GTF2I: variants seen among roughly 807,000 people sequenced by gnomAD.
The protein encoded by GTF2I is general transcription factor II-I.
In GTF2I, 12 loss-of-function variants were observed where a neutral mutation model predicts 67.6. That is an observed-to-expected ratio of 0.18 (90% CI 0.11 to 0.29). The LOEUF (loss-of-function observed/expected upper bound fraction) is 0.29. Among genes scored for constraint, GTF2I ranks in the 10% least tolerant of loss-of-function variants. GTF2I has a pLI of 1.00. For missense variants in GTF2I, 271 were observed against 580.1 expected, an observed-to-expected ratio of 0.47 and a Z score of 5.47; for synonymous variants, 149 against 197.0, an observed-to-expected ratio of 0.76 and a Z score of 2.04.
intron 11 of GTF2I, 60 bp from the exon 12 acceptor site, chr7:74,718,819 T>A: frequency 1.2e-6 from 1 of 826,296 alleles, no homozygotes; most frequent in Non-Finnish European, 1.9e-6. Context: ...AGTAAAATGT[T>A]GGAACATATG....
chr7:74,745,839 AC>A (rs781810221), intron 21 of GTF2I, 43 bp from the exon 22 acceptor site: 1 of 1,608,810 alleles, frequency 6.2e-7, no homozygotes, highest in African/African-American at 1.3e-5. Flanking sequence ...CTGTGAGGCC[AC>A]CACTGTGCTG....
At chr7:74,719,424 G>A (rs1201383694) in intron 12 of GTF2I, among the ~76,000 whole-genome samples, 6 of 152,132 alleles carry the variant, frequency 3.9e-5, no homozygotes, top group African/African-American at 1.4e-4. Flanking sequence ...TTTCAAAACT[G>A]TTTTGAAGCA....
intron 8 of GTF2I, among the ~76,000 whole-genome samples, chr7:74,708,943 T>C (rs1554402041): frequency 6.6e-6 from 1 of 152,206 alleles, no homozygotes; most frequent in African/African-American, 2.4e-5. Context: ...GGGGACACAG[T>C]GTTCCAGCAG....
chr7:74,717,881 A>G lies in GTF2I; in HGVS notation c.880+931A>G, dbSNP rs587594740. On this transcript the variant is annotated intron_variant, in intron 11 of 34. Transcript: ENST00000573035. Reference sequence around the variant, plus strand: ...ATACATTTCTCTCAAAAATACTGATATGCTCATTGTAAACCGTTGGTTACA... The same window carrying G: ...ATACATTTCTCTCAAAAATACTGATGTGCTCATTGTAAACCGTTGGTTACA... Among the ~76,000 whole-genome samples, 7 of 152,320 alleles carry G rather than the reference A, an allele frequency of 4.6e-5. 1 individual carries two copies. The South Asian group carries it at 1.5e-3, about 32-fold the overall frequency.
chr7:74,688,041 T>C (rs1787895205), intron 1 of GTF2I, among the ~76,000 whole-genome samples: 1 of 152,184 alleles, frequency 6.6e-6, no homozygotes, highest in Non-Finnish European at 1.5e-5. Flanking sequence ...AGTATGTCTT[T>C]ATATGGTGTA....
chr7:74,696,821 T>C (rs587659122), intron 3 of GTF2I, among the ~76,000 whole-genome samples: 34 of 152,206 alleles, frequency 2.2e-4, no homozygotes, highest in African/African-American at 8.2e-4. Flanking sequence ...CTTACTTGTT[T>C]GTGTAAAGTA....
At chr7:74,675,067 G>A (rs587739119) in intron 1 of GTF2I, among the ~76,000 whole-genome samples, 7 of 151,976 alleles carry the variant, frequency 4.6e-5, no homozygotes, top group Non-Finnish European at 7.4e-5. Context: ...TGGCCAGGCT[G>A]GTGTCGAACT....
At chr7:74,665,550 C>A (rs1218684909) in intron 1 of GTF2I, among the ~76,000 whole-genome samples, 1 of 152,046 alleles carries the variant, frequency 6.6e-6, no homozygotes, top group Non-Finnish European at 1.5e-5. Context: ...CACGCCTGGC[C>A]CCTATTTTTA....
intron 2 of GTF2I, among the ~76,000 whole-genome samples, chr7:74,690,139 C>T (rs1352897160): frequency 3.3e-5 from 5 of 151,938 alleles, no homozygotes; most frequent in African/African-American, 4.8e-5. Flanking sequence ...TGCTTGAACC[C>T]GTGAGGTGGA....
At chr7:74,672,707 G>A (rs1040099342) in intron 1 of GTF2I, among the ~76,000 whole-genome samples, 1 of 152,176 alleles carries the variant, frequency 6.6e-6, no homozygotes, top group African/African-American at 2.4e-5. Flanking sequence ...TCCAGGTCTA[G>A]TGTAGTCTCT....
chr7:74,681,384 G>C (rs955583893), intron 1 of GTF2I, among the ~76,000 whole-genome samples: 1 of 151,976 alleles, frequency 6.6e-6, no homozygotes, highest in Non-Finnish European at 1.5e-5. Flanking sequence ...GCAGTGAGCC[G>C]AGATCGTGCC....
intron 6 of GTF2I, among the ~76,000 whole-genome samples, chr7:74,703,764 C>G (rs1233427694): frequency 1.3e-5 from 2 of 152,192 alleles, no homozygotes; most frequent in African/African-American, 4.8e-5. Flanking sequence ...TTTTCTTCCA[C>G]AAGTCTTATA....
At chr7:74,706,484 C>T (rs1790711250) in intron 8 of GTF2I, 51 bp downstream of exon 8, 1 of 1,364,842 alleles carries the variant, frequency 7.3e-7, no homozygotes, top group Middle Eastern at 1.8e-4. Context: ...AAGACTTTTC[C>T]TTAGTGTAGA....
At position 74,702,794 on chromosome 7, in the gene GTF2I, C is replaced by T. The variant is rs587770413; in HGVS notation, c.586+2160C>T. 2.0e-5 allele frequency among the ~76,000 whole-genome samples: 3 copies of T among 149,622 alleles called. No individual in the cohort carries two copies. The South Asian group carries it at 6.3e-4, about 32-fold the overall frequency. On this transcript the variant is annotated intron_variant, in intron 6 of 34. Transcript: ENST00000573035. ...TGTCGCCCAGGCTGGAGTGTAGTGG[C>T]GCCATCTCAGCTTAGTGCAGCCTCA... is the stretch of plus-strand genomic sequence containing the variant.
chr7:74,722,443 C>G (rs587665736), intron 12 of GTF2I, among the ~76,000 whole-genome samples: 6 of 152,106 alleles, frequency 3.9e-5, no homozygotes. Context: ...AGACTTGTTT[C>G]AGGTCTAGCT....
rs58149301 is a variant in GTF2I, at chr7:74,723,428, CTTTT to C, written c.943+4504_943+4507del. Among the ~76,000 whole-genome samples the C allele has an allele frequency of 1.6e-4, 10 of 61,090 alleles. 2 individuals are homozygous for C. The highest frequency in any genetic ancestry group is 5.6e-4 in the East Asian group (1 of 1,800). The allele number at this position is 61,090 out of a possible 152,430, so 40.1% of individuals were successfully genotyped here. ...AGGCATAAGCCACCGCTCCCGGCCT[CTTTT>C]TTTTTTTTTTTTTTTTAAGACGGAG... On this transcript the variant is annotated intron_variant, in intron 12 of 34. Coordinates refer to ENST00000573035, the MANE Select transcript of GTF2I (RefSeq NM_032999.4).
chr7:74,658,095 GC>G, intron 1 of GTF2I, 27 bp downstream of exon 1: 1 of 151,436 alleles, frequency 6.6e-6, no homozygotes, highest in Non-Finnish European at 1.5e-5. Flanking sequence ...TCATCCCCGC[GC>G]CCCCCGCCCC....
intron 1 of GTF2I, among the ~76,000 whole-genome samples, chr7:74,683,027 A>G (rs1268821408): frequency 3.5e-5 from 2 of 57,768 alleles, no homozygotes; most frequent in African/African-American, 1.5e-4. Flanking sequence ...AGCTAAAAGG[A>G]TAAAGTGATG....
intron 1 of GTF2I, among the ~76,000 whole-genome samples, chr7:74,672,865 GT>G (rs1285051620): frequency 6.6e-6 from 1 of 151,784 alleles, no homozygotes; most frequent in Non-Finnish European, 1.5e-5. Context: ...TTACTGTTTT[GT>G]TTTTTTTCTT....
Sources: gnomAD v4.1 joint callset for allele counts (sites outside exome capture counted in the v4.1 genomes callset) on GRCh38, gnomAD v4.1.1 for gene constraint, MANE v1.5 for transcripts, NCBI Gene and HGNC (gene_info 2026-07-23, HGNC 2026-07-21) for gene names.